Variants in TGM6 observed in about 807,000 individuals in gnomAD.
The protein encoded by TGM6 is transglutaminase 6, also known as protein-glutamine gamma-glutamyltransferase 6.
A neutral mutation model predicts 77.5 loss-of-function variants in TGM6; 74 were observed. The observed-to-expected ratio is 0.96, with a 90% confidence interval of 0.79 to 1.16. TGM6 has a LOEUF of 1.16. Ranked by LOEUF, TGM6 falls within the 50% of genes most tolerant of loss-of-function variation. The pLI, the probability that TGM6 is intolerant of heterozygous loss-of-function variation, is 0.00. For synonymous variants in TGM6, 383 were observed against 378.9 expected, an observed-to-expected ratio of 1.01 and a Z score of -0.12; for missense variants, 968 against 940.2, an observed-to-expected ratio of 1.03 and a Z score of -0.39.
rs753043689 is a variant in TGM6 at position 2,399,644 on chromosome 20, C to G, written c.756C>G (p.Arg252=). 3 of 1,613,520 alleles carry G rather than the reference C, an allele frequency of 1.9e-6. No individual in the cohort carries two copies. The highest frequency in any genetic ancestry group is 2.5e-6 in the Non-Finnish European group (3 of 1,179,936). ...GCGGCACCAGCCCGCTGCACTGGCGCGGCAGCGTGGCCATTCTGCAGAAGT... is the reference window on the plus strand; with the variant it reads ...GCGGCACCAGCCCGCTGCACTGGCGGGGCAGCGTGGCCATTCTGCAGAAGT... ...YGGGTSPLHW[R]GSVAILQKWL... Residue 252 remains arginine, a synonymous_variant, in exon 6 of 13, where the codon CGC becomes CGG. Coordinates refer to ENST00000202625, the MANE Select transcript of TGM6 (RefSeq NM_198994.3).
chr20:2,408,388 C>G (rs1442124033), intron 9 of TGM6, among the ~76,000 whole-genome samples: 1 of 152,174 alleles, frequency 6.6e-6, no homozygotes, highest in African/African-American at 2.4e-5. Context: ...TTTGCCTGGC[C>G]AGGGGTCTCA....
At chr20:2,389,815 G>C (rs6113984) in intron 1 of TGM6, among the ~76,000 whole-genome samples, 1 of 152,136 alleles carries the variant, frequency 6.6e-6, no homozygotes, top group Non-Finnish European at 1.5e-5. Context: ...CCATAATCAT[G>C]AGTGAACACA....
chr20:2,381,128 A>T (rs1198212315), intron 1 of TGM6, among the ~76,000 whole-genome samples, 153 bp downstream of exon 1: 1 of 152,116 alleles, frequency 6.6e-6, no homozygotes, highest in Non-Finnish European at 1.5e-5. Flanking sequence ...GTGTGGATTC[A>T]TGAGGCCCAG....
At chr20:2,418,972 G>T (rs1351572383) in intron 10 of TGM6, among the ~76,000 whole-genome samples, 1 of 152,192 alleles carries the variant, frequency 6.6e-6, no homozygotes, top group East Asian at 1.9e-4. Context: ...AGCTACTCAG[G>T]AGGCTGAGGC....
chr20:2,385,034 C>A (rs1048188439), intron 1 of TGM6, among the ~76,000 whole-genome samples: 2 of 152,192 alleles, frequency 1.3e-5, no homozygotes, highest in Non-Finnish European at 2.9e-5. Context: ...TCTCCCATCC[C>A]CTCCATTGGG....
At chr20:2,416,362 T>C (rs2084816736) in intron 9 of TGM6, among the ~76,000 whole-genome samples, 1 of 152,234 alleles carries the variant, frequency 6.6e-6, no homozygotes, top group African/African-American at 2.4e-5. Flanking sequence ...CTTAAAATTA[T>C]GTTCAATTGA....
chr20:2,383,772 A>C (rs2084572459), intron 1 of TGM6, among the ~76,000 whole-genome samples: 1 of 151,972 alleles, frequency 6.6e-6, no homozygotes, highest in Admixed American at 6.6e-5. Context: ...GGGAGGACCA[A>C]AGTGATGGGG....
chr20:2,431,778 G>T (rs763016262), intron 12 of TGM6, among the ~76,000 whole-genome samples: 12 of 152,218 alleles, frequency 7.9e-5, no homozygotes, highest in Non-Finnish European at 1.6e-4. Flanking sequence ...AGATTTTCAG[G>T]TATCAAGAAG....
At chr20:2,424,727 GC>G (rs1322883922) in intron 10 of TGM6, among the ~76,000 whole-genome samples, 1 of 152,188 alleles carries the variant, frequency 6.6e-6, no homozygotes, top group African/African-American at 2.4e-5. Flanking sequence ...AAGAGGCCTA[GC>G]TTTTGGCCCA....
chr20:2,385,924 G>A (rs945405428), intron 1 of TGM6, among the ~76,000 whole-genome samples: 2 of 152,228 alleles, frequency 1.3e-5, no homozygotes, highest in African/African-American at 4.8e-5. Flanking sequence ...TCAGTCCAGT[G>A]AGGGAGAGAC....
At chr20:2,419,398 T>C (rs1054445083) in intron 10 of TGM6, among the ~76,000 whole-genome samples, 4 of 152,230 alleles carry the variant, frequency 2.6e-5, no homozygotes, top group Non-Finnish European at 5.9e-5. Flanking sequence ...TTTTTAGCTT[T>C]TTTTGTCATT....
chr20:2,393,535 ATGTT>A (rs1301347897), intron 1 of TGM6, among the ~76,000 whole-genome samples: 1 of 152,136 alleles, frequency 6.6e-6, no homozygotes, highest in Non-Finnish European at 1.5e-5. Flanking sequence ...ATATTAAATT[ATGTT>A]TGTTTGTTTT....
At chr20:2,425,058 G>T (rs560422422) in intron 10 of TGM6, among the ~76,000 whole-genome samples, 1 of 152,260 alleles carries the variant, frequency 6.6e-6, no homozygotes, top group East Asian at 1.9e-4. Flanking sequence ...CAAGGGCTGG[G>T]CACAGGGGCT....
chr20:2,384,106 CAA>C (rs35843804), intron 1 of TGM6, among the ~76,000 whole-genome samples: 256 of 84,584 alleles, frequency 3.0e-3, no homozygotes, highest in African/African-American at 8.0e-3. Flanking sequence ...GACTCCGTCT[CAA>C]AAAAAAAAAA....
chr20:2,421,786 G>A (rs1017230018), intron 10 of TGM6, among the ~76,000 whole-genome samples: 1 of 152,134 alleles, frequency 6.6e-6, no homozygotes, highest in Non-Finnish European at 1.5e-5. Context: ...TTTTAATAAA[G>A]TCCAACTTAT....
intron 9 of TGM6, among the ~76,000 whole-genome samples, chr20:2,413,170 G>A (rs1044854025): frequency 6.6e-6 from 1 of 152,196 alleles, no homozygotes; most frequent in African/African-American, 2.4e-5. Flanking sequence ...CAGCACTTTA[G>A]GAGGCCAAGT....
At chr20:2,418,934 G>A (rs953708705) in intron 10 of TGM6, among the ~76,000 whole-genome samples, 4 of 152,120 alleles carry the variant, frequency 2.6e-5, no homozygotes, top group African/African-American at 4.8e-5. Context: ...AAAATTAGCC[G>A]GGCATGGTGG....
At chr20:2,427,230 T>C (rs926493163) in intron 10 of TGM6, among the ~76,000 whole-genome samples, 3 of 152,166 alleles carry the variant, frequency 2.0e-5, no homozygotes, top group Non-Finnish European at 2.9e-5. Flanking sequence ...TTTTAGCAGA[T>C]TTTTTTCTTT....
At chr20:2,425,165 A>G (rs73079366) in intron 10 of TGM6, among the ~76,000 whole-genome samples, 1,913 of 152,072 alleles carry the variant, frequency 0.013, 17 homozygotes, top group Non-Finnish European at 0.018. Flanking sequence ...ACACAGCAAT[A>G]CCCCATCTCT....
Sources: gnomAD v4.1 joint callset for allele counts (sites outside exome capture counted in the v4.1 genomes callset) on GRCh38, gnomAD v4.1.1 for gene constraint, MANE v1.5 for transcripts, NCBI Gene and HGNC (gene_info 2026-07-23, HGNC 2026-07-21) for gene names.